The following CLHC1 variants were observed in gnomAD, a reference collection of about 807,000 sequenced individuals.
CLHC1 encodes the protein clathrin heavy chain linker domain-containing protein 1.
In CLHC1, 72 loss-of-function variants were observed where a neutral mutation model predicts 69.5. The ratio of observed to expected loss-of-function variants is 1.04; its 90% confidence interval spans 0.86 to 1.26. CLHC1 has a LOEUF of 1.26. CLHC1 is among the 50% of genes most tolerant of loss of function. CLHC1 has a pLI of 0.00. For missense variants in CLHC1, 790 were observed against 679.3 expected (o/e 1.16, Z -1.81); for synonymous variants, 223 against 224.3 (o/e 0.99, Z 0.05).
At chr2:55,176,976 C>T (rs1165482779) in intron 12 of CLHC1, among the ~76,000 whole-genome samples, 5 of 152,160 alleles carry the variant, frequency 3.3e-5, no homozygotes, top group Admixed American at 1.3e-4. Context: ...TGGGCTCAGG[C>T]GATCCTTCCA....
At chr2:55,204,978 T>TA (rs555979675) in intron 9 of CLHC1, among the ~76,000 whole-genome samples, 2 of 151,654 alleles carry the variant, frequency 1.3e-5, no homozygotes, top group Non-Finnish European at 2.9e-5. Context: ...TTTAATGGGT[T>TA]AAAAAAAATA....
intron 2 of CLHC1, among the ~76,000 whole-genome samples, chr2:55,222,960 G>A (rs1037728727): frequency 1.4e-5 from 2 of 146,342 alleles, no homozygotes; most frequent in African/African-American, 5.1e-5. Flanking sequence ...CTATTCCACT[G>A]CCATATGCTG....
At chr2:55,183,965 G>A (rs949625282) in intron 9 of CLHC1, among the ~76,000 whole-genome samples, 3 of 152,056 alleles carry the variant, frequency 2.0e-5, no homozygotes, top group African/African-American at 7.2e-5. Flanking sequence ...ATTTTTAGTA[G>A]AGACAGGGTG....
chr2:55,209,965 T>C (rs1045254003), intron 5 of CLHC1, 134 bp from the exon 6 acceptor site: 7 of 581,556 alleles, frequency 1.2e-5, no homozygotes, highest in Non-Finnish European at 1.8e-5. Flanking sequence ...TATAGCTTAC[T>C]GAACATAAGT....
At chr2:55,195,013 C>T (rs1326961958) in intron 9 of CLHC1, among the ~76,000 whole-genome samples, 1 of 151,892 alleles carries the variant, frequency 6.6e-6, no homozygotes, top group East Asian at 1.9e-4. Flanking sequence ...AACTCCTGGG[C>T]TCAAGCAATC....
At chr2:55,177,569 A>T in intron 12 of CLHC1, 33 bp downstream of exon 12, 1 of 1,495,944 alleles carries the variant, frequency 6.7e-7, no homozygotes, top group Non-Finnish European at 9.1e-7. Context: ...ATAACCCACT[A>T]CTATTTCTCC....
At chr2:55,226,173 C>A (rs1674684473) in intron 2 of CLHC1, among the ~76,000 whole-genome samples, 1 of 143,090 alleles carries the variant, frequency 7.0e-6, no homozygotes, top group South Asian at 2.2e-4. Context: ...GCCTGGGCAA[C>A]TGAGCGAGAC....
intron 9 of CLHC1, among the ~76,000 whole-genome samples, chr2:55,184,105 T>TC (rs140530992): frequency 0.96 from 133,917 of 139,904 alleles, 64,090 homozygotes; most frequent in Admixed American, 0.98. Context: ...TTTCTTTCTT[T>TC]ATTTTTTTTT....
At chr2:55,194,068 A>G (rs1671173589) in intron 9 of CLHC1, among the ~76,000 whole-genome samples, 2 of 152,070 alleles carry the variant, frequency 1.3e-5, no homozygotes, top group Non-Finnish European at 2.9e-5. Context: ...AAGCAGGTAA[A>G]TCTATACTGA....
chr2:55,189,937 C>A (rs1670760062), intron 9 of CLHC1, among the ~76,000 whole-genome samples: 1 of 152,142 alleles, frequency 6.6e-6, no homozygotes, highest in Non-Finnish European at 1.5e-5. Flanking sequence ...TCCTGCCTAA[C>A]AAAATTTGAA....
intron 7 of CLHC1, among the ~76,000 whole-genome samples, chr2:55,209,122 C>T (rs1404900805): frequency 2.0e-5 from 3 of 152,134 alleles, no homozygotes; most frequent in Non-Finnish European, 4.4e-5. Context: ...ATCTGCCCGT[C>T]TCAGCCTCCC....
chr2:55,199,132 A>G (rs1671697810), intron 9 of CLHC1, among the ~76,000 whole-genome samples: 1 of 151,864 alleles, frequency 6.6e-6, no homozygotes, highest in African/African-American at 2.4e-5. Flanking sequence ...CCCCATCTCT[A>G]CTAAAATACA....
chr2:55,199,279 A>T lies in CLHC1; in HGVS notation c.1006+6991T>A, dbSNP rs183981430. Reference sequence around the variant, plus strand: ...GCCACTGCACTCCAGCCTGGACAAAAGAGTGAGACTCCATCTCAAAAAAAA... The same window carrying T: ...GCCACTGCACTCCAGCCTGGACAAATGAGTGAGACTCCATCTCAAAAAAAA... On this transcript the variant is annotated intron_variant, in intron 9 of 12. Transcript: ENST00000401408. Among the ~76,000 whole-genome samples the T allele has an allele frequency of 2.1e-5, 3 of 146,000 alleles. No homozygotes were observed. In the East Asian group the frequency reaches 6.0e-4, roughly 29 times the overall value.
At chr2:55,205,200 G>C (rs59439819) in intron 9 of CLHC1, among the ~76,000 whole-genome samples, 17,733 of 152,110 alleles carry the variant, frequency 0.12, 1,252 homozygotes, top group East Asian at 0.28. Flanking sequence ...ATGGAATACA[G>C]TATGGAAATT....
intron 1 of CLHC1, among the ~76,000 whole-genome samples, chr2:55,231,312 A>G (rs1276033303): frequency 6.6e-6 from 1 of 152,148 alleles, no homozygotes; most frequent in Middle Eastern, 3.2e-3. Context: ...AAATGCCAAA[A>G]CACGGGAGGG....
intron 3 of CLHC1, among the ~76,000 whole-genome samples, chr2:55,220,671 G>C (rs1674025349): frequency 6.6e-6 from 1 of 152,210 alleles, no homozygotes; most frequent in Middle Eastern, 3.4e-3. Context: ...GTAAAGCAGA[G>C]AGCTCTTCAT....
At chr2:55,186,685 G>A (rs1670444730) in intron 9 of CLHC1, among the ~76,000 whole-genome samples, 1 of 152,066 alleles carries the variant, frequency 6.6e-6, no homozygotes, top group South Asian at 2.1e-4. Context: ...TGAGGTGGGA[G>A]GATCACTTGA....
chr2:55,222,876 C>T (rs537896612), intron 2 of CLHC1, among the ~76,000 whole-genome samples: 7 of 145,220 alleles, frequency 4.8e-5, no homozygotes, highest in African/African-American at 1.8e-4. Context: ...GCCGAGATCG[C>T]GCCATTGCAC....
intron 4 of CLHC1, chr2:55,214,546 A>T (rs1055428731): frequency 6.6e-6 from 1 of 152,242 alleles, no homozygotes; most frequent in African/African-American, 2.4e-5. Context: ...TTGTCAGTAG[A>T]TAACTGCTGG....
Sources: allele counts gnomAD v4.1 joint callset (sites outside exome capture counted in the v4.1 genomes callset), GRCh38; gene constraint gnomAD v4.1.1; transcripts MANE v1.5; gene names NCBI Gene and HGNC (gene_info 2026-07-23, HGNC 2026-07-21).